SPRYD4: variants seen among roughly 807,000 people sequenced by gnomAD.
The protein encoded by SPRYD4 is SPRY domain containing 4.
A neutral mutation model predicts 16.6 loss-of-function variants in SPRYD4; 12 were observed. The observed-to-expected ratio is 0.72, with a 90% confidence interval of 0.46 to 1.17. SPRYD4 has a LOEUF of 1.17. Ranked by LOEUF, SPRYD4 falls within the 50% of genes most tolerant of loss-of-function variation. The pLI is 0.00. For missense variants in SPRYD4, 260 were observed against 260.2 expected, an observed-to-expected ratio of 1.00 and a Z score of 0.00; for synonymous variants, 98 against 105.4, an observed-to-expected ratio of 0.93 and a Z score of 0.43.
At position 56,469,095 on chromosome 12, in the gene SPRYD4, G is replaced by T. The variant is rs1869121800; in HGVS notation, c.142G>T (p.Asp48Tyr). 1 of 1,611,654 alleles carries T rather than the reference G, an allele frequency of 6.2e-7. No homozygotes were observed. Among genetic ancestry groups the T allele is most frequent in the Non-Finnish European group, 8.5e-7 (1 of 1,178,616 alleles). ...TAHSSLALFR[D>Y]DTGVKYGLVG... ...CCACAGCAGCCTGGCACTCTTCAGA[G>T]ATGATACGGGTGTCAAATATGGCTT... is the stretch of plus-strand genomic sequence containing the variant. Residue 48 changes from aspartate (D) to tyrosine (Y), a missense_variant, in exon 2 of 2, where the codon GAT (aspartate) becomes TAT (tyrosine). Coordinates refer to ENST00000338146, the MANE Select transcript of SPRYD4 (RefSeq NM_207344.4).
Position 56,478,852 on chromosome 12 carries a change from G to C in SPRYD4, c.*9275G>C. 1.7e-6 allele frequency: 1 copy of C among 577,748 alleles called. No homozygotes were observed. The highest frequency in any genetic ancestry group is 1.9e-5 in the African/African-American group (1 of 52,706). 35.8% of individuals were successfully genotyped at this position (577,748 alleles called of 1,614,324 possible). A position where few individuals can be genotyped will look rare whatever the true frequency, so the allele number is the denominator to read the frequency against. ...TACTAAAAATACAAAAATTAGTCGG[G>C]CATGGTGGTGTATGCCAGCTACTCG... On this transcript the variant is annotated 3_prime_UTR_variant, in exon 2 of 2. Coordinates refer to ENST00000338146, the MANE Select transcript of SPRYD4 (RefSeq NM_207344.4).
rs1436628001 is a variant in SPRYD4, at chr12:56,474,487, G to T, written c.*4910G>T. On this transcript the variant is annotated 3_prime_UTR_variant, in exon 2 of 2. Coordinates refer to ENST00000338146, the MANE Select transcript of SPRYD4 (RefSeq NM_207344.4). ...CCACCTCTATCTTGAGAGAGTCAGTGTTCTCTCTTCTTAGCACTGGGCTCA... is the reference window on the plus strand; with the variant it reads ...CCACCTCTATCTTGAGAGAGTCAGTTTTCTCTCTTCTTAGCACTGGGCTCA... The T allele has an allele frequency of 1.9e-6, 3 of 1,591,686 alleles. No homozygotes were observed. Among genetic ancestry groups the T allele is most frequent in the Non-Finnish European group, 1.7e-6 (2 of 1,165,418 alleles).
rs139187356 is a variant in SPRYD4, at chr12:56,474,515, A to G, written c.*4938A>G. 2.9e-4 allele frequency: 470 copies of G among 1,612,412 alleles called. 6 individuals carry two copies. The East Asian group carries it at 7.4e-3, about 26-fold the overall frequency. On this transcript the variant is annotated 3_prime_UTR_variant, in exon 2 of 2. Transcript: ENST00000338146. ...CTCTCTTCTTAGCACTGGGCTCATG[A>G]CAGATGGATAGCAGAGCCAGAAACT... is the stretch of plus-strand genomic sequence containing the variant.
Position 56,478,297 on chromosome 12 carries a change from T to C in SPRYD4, c.*8720T>C. 1 of 1,599,648 alleles carries C rather than the reference T, an allele frequency of 6.3e-7. No homozygotes were observed. The highest frequency in any genetic ancestry group is 8.6e-7 in the Non-Finnish European group (1 of 1,166,930). Reference sequence around the variant, plus strand: ...AGTGGGTAGAGAAAAGGGAGATGGATGTGGAGAAGAGGAACAGAGTTGAGG... The same window carrying C: ...AGTGGGTAGAGAAAAGGGAGATGGACGTGGAGAAGAGGAACAGAGTTGAGG... On this transcript the variant is annotated 3_prime_UTR_variant, in exon 2 of 2. Transcript: ENST00000338146.
At position 56,471,871 on chromosome 12, in the gene SPRYD4, C is replaced by G; in HGVS notation, c.*2294C>G. ...TGGGCAGAAGGAAAATGAGAAGGCG[C>G]AGGTCTTGAACCCTTTGGTGCAGAC... On this transcript the variant is annotated 3_prime_UTR_variant, in exon 2 of 2. Coordinates refer to ENST00000338146, the MANE Select transcript of SPRYD4 (RefSeq NM_207344.4). 6.2e-7 allele frequency: 1 copy of G among 1,605,446 alleles called. No homozygotes were observed. The highest frequency in any genetic ancestry group is 1.1e-5 in the South Asian group (1 of 90,690).
At position 56,474,095 on chromosome 12, in the gene SPRYD4, T is replaced by TC. The variant is rs1307048408; in HGVS notation, c.*4518_*4519insC. On this transcript the variant is annotated 3_prime_UTR_variant, in exon 2 of 2. Coordinates refer to ENST00000338146, the MANE Select transcript of SPRYD4 (RefSeq NM_207344.4). The stretch of plus-strand genomic sequence containing the variant: ...ACCTCTGGTTGTTTTTCTTTTTCTT[T>TC]TTTTCTTTTTTTTTGAGATGGAGTT... 9.7e-6 allele frequency: 1 copy of TC among 103,550 alleles called. No individual in the cohort carries two copies. The highest frequency in any genetic ancestry group is 2.1e-5 in the Non-Finnish European group (1 of 47,614). 6.4% of individuals were successfully genotyped at this position (103,550 alleles called of 1,614,324 possible).
At position 56,471,305 on chromosome 12, in the gene SPRYD4, A is replaced by G. The variant is rs1869237559; in HGVS notation, c.*1728A>G. On this transcript the variant is annotated 3_prime_UTR_variant, in exon 2 of 2. Coordinates refer to ENST00000338146, the MANE Select transcript of SPRYD4 (RefSeq NM_207344.4). ...GGTGTCCTCTGAGGCCCTTCTCTGTACTCTGTCTGCTGAGGGAATGGGGTA... is the reference window on the plus strand; with the variant it reads ...GGTGTCCTCTGAGGCCCTTCTCTGTGCTCTGTCTGCTGAGGGAATGGGGTA... The G allele has an allele frequency of 1.6e-6, 1 of 630,552 alleles. No individual in the cohort carries two copies. 39.1% of individuals were successfully genotyped at this position (630,552 alleles called of 1,614,324 possible).
At position 56,473,594 on chromosome 12, in the gene SPRYD4, C is replaced by T. The variant is rs376451312; in HGVS notation, c.*4017C>T. 3.1e-6 allele frequency: 5 copies of T among 1,609,534 alleles called. No homozygotes were observed. The highest frequency in any genetic ancestry group is 3.4e-6 in the Non-Finnish European group (4 of 1,178,302). On this transcript the variant is annotated 3_prime_UTR_variant, in exon 2 of 2. Transcript: ENST00000338146. ...ACAGCTGACTTGGCTGGCAGGCCCA[C>T]CTGGGGAACAGAACTGAAGCTGAGG...
chr12:56,468,708 C>A, intron 1 of SPRYD4, 32 bp downstream of exon 1: 1 of 1,596,494 alleles, frequency 6.3e-7, no homozygotes, highest in South Asian at 1.1e-5. Context: ...CTTTTACCTC[C>A]AGAATGGCTG....
chr12:56,470,329 A>G lies in SPRYD4; in HGVS notation c.*752A>G, dbSNP rs1250997024. ...ATCTAGGGGATGAGTGCTAGAAACT[A>G]TTTATTTATTTTTGAGACAGAGTCT... is the stretch of plus-strand genomic sequence containing the variant. On this transcript the variant is annotated 3_prime_UTR_variant, in exon 2 of 2. Transcript: ENST00000338146. The G allele has an allele frequency of 6.6e-6, 1 of 152,164 alleles. No homozygotes were observed. The highest frequency in any genetic ancestry group is 2.4e-5 in the African/African-American group (1 of 41,362). The allele number at this position is 152,164 out of a possible 1,614,324, so 9.4% of individuals were successfully genotyped here.
chr12:56,475,579 CAT>C lies in SPRYD4; in HGVS notation c.*6004_*6005del. 6.3e-7 allele frequency: 1 copy of C among 1,587,204 alleles called. No homozygotes were observed. Among genetic ancestry groups the C allele is most frequent in the African/African-American group, 1.3e-5 (1 of 74,458 alleles). On this transcript the variant is annotated 3_prime_UTR_variant, in exon 2 of 2. Transcript: ENST00000338146. ...CTTGTCCCCATCCTAAGTACACACA[CAT>C]ACACCACAATGCTTTCAGTCAGTCC...
In SPRYD4 at chr12:56,470,962, A is replaced by G. The variant is rs539412803; in HGVS notation, c.*1385A>G. On this transcript the variant is annotated 3_prime_UTR_variant, in exon 2 of 2. Transcript: ENST00000338146. ...TGGGTTTAGCAAAAATGATTTGGTA[A>G]TTAAAGTTTATTTGAACACAAAATA... 1 of 164,956 alleles carries G rather than the reference A, an allele frequency of 6.1e-6. No homozygotes were observed. Among genetic ancestry groups the G allele is most frequent in the South Asian group, 2.0e-4 (1 of 4,962 alleles). The allele number at this position is 164,956 out of a possible 1,614,324, so 10.2% of individuals were successfully genotyped here.
Position 56,471,820 on chromosome 12 carries a change from A to C in SPRYD4, c.*2243A>C. The C allele has an allele frequency of 6.2e-7, 1 of 1,614,066 alleles. No homozygotes were observed. The highest frequency in any genetic ancestry group is 8.5e-7 in the Non-Finnish European group (1 of 1,180,010). On this transcript the variant is annotated 3_prime_UTR_variant, in exon 2 of 2. Coordinates refer to ENST00000338146, the MANE Select transcript of SPRYD4 (RefSeq NM_207344.4). ...CTTTGCAAGCCTCGATCAGGAATTT[A>C]ACAACTTCGATGTGTCCTAGGAATA...
chr12:56,474,728 A>C lies in SPRYD4; in HGVS notation c.*5151A>C, dbSNP rs200412931. 1 of 1,608,262 alleles carries C rather than the reference A, an allele frequency of 6.2e-7. No homozygotes were observed. Among genetic ancestry groups the C allele is most frequent in the Non-Finnish European group, 8.5e-7 (1 of 1,176,220 alleles). ...GACCTCCACAGAACACAGCTATGAA[A>C]ACAAAGAATAGGTGAAGATGTGACG... is the stretch of plus-strand genomic sequence containing the variant. On this transcript the variant is annotated 3_prime_UTR_variant, in exon 2 of 2. Coordinates refer to ENST00000338146, the MANE Select transcript of SPRYD4 (RefSeq NM_207344.4).
Position 56,479,668 on chromosome 12 carries a change from A to C in SPRYD4, c.*10091A>C. ...ATGTATAACTTATGTAATAAGTAAT[A>C]AAATAAAATGAGGAATTGAACTATA... On this transcript the variant is annotated 3_prime_UTR_variant, in exon 2 of 2. Coordinates refer to ENST00000338146, the MANE Select transcript of SPRYD4 (RefSeq NM_207344.4). The C allele has an allele frequency of 8.1e-7, 1 of 1,235,366 alleles. No individual in the cohort carries two copies. Among genetic ancestry groups the C allele is most frequent in the Non-Finnish European group, 1.1e-6 (1 of 932,756 alleles). 76.5% of individuals were successfully genotyped at this position (1,235,366 alleles called of 1,614,324 possible).
In SPRYD4 at chr12:56,471,726, G is replaced by C; in HGVS notation, c.*2149G>C. On this transcript the variant is annotated 3_prime_UTR_variant, in exon 2 of 2. Coordinates refer to ENST00000338146, the MANE Select transcript of SPRYD4 (RefSeq NM_207344.4). ...TATTTGCATGGTGGCTGGAGGGTAG[G>C]TGGAGAAGCTGTGCCCACCCTCCTC... The C allele has an allele frequency of 6.2e-7, 1 of 1,611,630 alleles. No individual in the cohort carries two copies. Among genetic ancestry groups the C allele is most frequent in the Non-Finnish European group, 8.5e-7 (1 of 1,177,692 alleles).
rs938841980 is a variant in SPRYD4, at chr12:56,471,365, C to A, written c.*1788C>A. The A allele has an allele frequency of 1.3e-5, 14 of 1,089,432 alleles. No individual in the cohort carries two copies. Among genetic ancestry groups the A allele is most frequent in the Non-Finnish European group, 1.3e-5 (10 of 777,832 alleles). 67.5% of individuals were successfully genotyped at this position (1,089,432 alleles called of 1,614,324 possible). On this transcript the variant is annotated 3_prime_UTR_variant, in exon 2 of 2. Transcript: ENST00000338146. ...CCATAGAAAGCACTAGCCTAAGTCACCAAATGACTGCTTGGTCCCCACTGA... is the reference window on the plus strand; with the variant it reads ...CCATAGAAAGCACTAGCCTAAGTCAACAAATGACTGCTTGGTCCCCACTGA...
Position 56,472,620 on chromosome 12 carries a change from T to C in SPRYD4, c.*3043T>C, listed in dbSNP as rs572058296. The C allele has an allele frequency of 1.3e-4, 186 of 1,386,886 alleles. 1 individual carries two copies. Among genetic ancestry groups the C allele is most frequent in the Non-Finnish European group, 1.6e-5 (16 of 975,618 alleles). 85.9% of individuals were successfully genotyped at this position (1,386,886 alleles called of 1,614,324 possible). ...AAGCTGAAGCACTTAACTATTTTGT[T>C]ACGCTGCCTCCTAGTAAAATCTCTG... is the stretch of plus-strand genomic sequence containing the variant. On this transcript the variant is annotated 3_prime_UTR_variant, in exon 2 of 2. Transcript: ENST00000338146.
In SPRYD4 at chr12:56,472,885, CTTTT is replaced by C. The variant is rs952399444; in HGVS notation, c.*3325_*3328del. On this transcript the variant is annotated 3_prime_UTR_variant, in exon 2 of 2. Coordinates refer to ENST00000338146, the MANE Select transcript of SPRYD4 (RefSeq NM_207344.4). Reference sequence around the variant, plus strand: ...ATGGAATGTGCTACTCTGAAATATTCTTTTTTTTTTTTTTTTTTTTGAGACGGAG... The same window carrying C: ...ATGGAATGTGCTACTCTGAAATATTCTTTTTTTTTTTTTTTTGAGACGGAG... The C allele has an allele frequency of 5.0e-3, 1,984 of 396,054 alleles. No homozygotes were observed. Among genetic ancestry groups the C allele is most frequent in the Middle Eastern group, 7.4e-3 (11 of 1,484 alleles). The allele number at this position is 396,054 out of a possible 1,614,324, so 24.5% of individuals were successfully genotyped here. A position where few individuals can be genotyped will look rare whatever the true frequency, so the allele number is the denominator to read the frequency against.
Sources: gnomAD v4.1 joint callset for allele counts on GRCh38, gnomAD v4.1.1 for gene constraint, MANE v1.5 for transcripts, NCBI Gene and HGNC (gene_info 2026-07-23, HGNC 2026-07-21) for gene names.